ANK3: variants seen among roughly 807,000 people sequenced by gnomAD.
The protein encoded by ANK3 is ankyrin 3.
A neutral mutation model predicts 370.9 loss-of-function variants in ANK3; 57 were observed. The observed-to-expected ratio is 0.15, with a 90% CI of 0.12 to 0.19. The LOEUF is 0.19. Ranked by LOEUF, ANK3 falls within the 10% of genes least tolerant of loss-of-function variation. The pLI is 1.00. For missense variants in ANK3, 4,439 were observed against 5,302.1 expected, an observed-to-expected ratio of 0.84 and a Z score of 5.06; for synonymous variants, 1,929 against 1,946.3, an observed-to-expected ratio of 0.99 and a Z score of 0.23.
chr10:60,370,399 A>C (rs2059950040), intron 1 of ANK3, among the ~76,000 whole-genome samples: 1 of 152,194 alleles, frequency 6.6e-6, no homozygotes, highest in African/African-American at 2.4e-5. Flanking sequence ...ATTTTCTTCT[A>C]ATTTTCCATT....
At position 60,071,863 on chromosome 10, in the gene ANK3, T is replaced by C. The variant is rs752465060; in HGVS notation, c.9018A>G (p.Thr3006=). The C allele has an allele frequency of 3.1e-6, 5 of 1,614,084 alleles. No homozygotes were observed. The East Asian group carries it at 1.1e-4, about 36-fold the overall frequency. The change falls in exon 37 of 44, where the codon ACA becomes ACG. Residue 3006 remains threonine (T), a synonymous_variant. Transcript: ENST00000280772. ...QSSMSKETVE[T]QHFNSIEDEK... ...CATCTTCTATAGAATTAAAGTGCTG[T>C]GTCTCAACTGTCTCTTTACTCATGC...
At chr10:60,481,234 C>T (rs181666760) in intron 2 of ANK3, among the ~76,000 whole-genome samples, 49 of 152,282 alleles carry the variant, frequency 3.2e-4, no homozygotes, top group South Asian at 2.7e-3. Flanking sequence ...GATCTTTCTA[C>T]GTGCCTGTGT....
intron 43 of ANK3, among the ~76,000 whole-genome samples, chr10:60,037,614 C>A (rs1441969654): frequency 7.1e-6 from 1 of 141,450 alleles, no homozygotes; most frequent in African/African-American, 2.6e-5. Flanking sequence ...CTGCAAAGGA[C>A]ATGCTCTCAC....
intron 2 of ANK3, among the ~76,000 whole-genome samples, chr10:60,435,000 C>G (rs2064121727): frequency 6.6e-6 from 1 of 152,166 alleles, no homozygotes; most frequent in Non-Finnish European, 1.5e-5. Context: ...GGGCAACGAA[C>G]TATAAGCATA....
chr10:60,599,943 C>T (rs1211110764), intron 2 of ANK3, among the ~76,000 whole-genome samples: 1 of 152,094 alleles, frequency 6.6e-6, no homozygotes, highest in Non-Finnish European at 1.5e-5. Flanking sequence ...TGTTTTCGCA[C>T]AGCAACCATT....
chr10:60,557,051 G>A (rs926304556), intron 2 of ANK3, among the ~76,000 whole-genome samples: 43 of 152,282 alleles, frequency 2.8e-4, no homozygotes, highest in Admixed American at 1.6e-3. Flanking sequence ...CACTGCTGTC[G>A]TCTGTGGAAA....
intron 1 of ANK3, among the ~76,000 whole-genome samples, chr10:60,698,137 A>G (rs2079489537): frequency 6.6e-6 from 1 of 152,010 alleles, no homozygotes; most frequent in Admixed American, 6.6e-5. Flanking sequence ...TGCAGCCAAA[A>G]AAAACATGAA....
chr10:60,085,278 T>A (rs1240643824), intron 30 of ANK3, 25 bp from the exon 31 acceptor site: 1 of 1,566,744 alleles, frequency 6.4e-7, no homozygotes, highest in Non-Finnish European at 8.7e-7. Flanking sequence ...GCAGATATGT[T>A]GACTTTATCA....
chr10:60,238,748 A>G (rs2097372270), intron 7 of ANK3, among the ~76,000 whole-genome samples: 1 of 152,106 alleles, frequency 6.6e-6, no homozygotes, highest in Admixed American at 6.6e-5. Context: ...CCTGAAACAA[A>G]ATGTAAACTC....
At chr10:60,039,950 G>C (rs1408414219) in intron 43 of ANK3, among the ~76,000 whole-genome samples, 1 of 152,142 alleles carries the variant, frequency 6.6e-6, no homozygotes, top group Non-Finnish European at 1.5e-5. Context: ...CTGTGTGAAG[G>C]CAGAAACATC....
rs147256833 is a variant in ANK3, at chr10:60,685,089, C to A, written c.57+48174G>T. The A allele has an allele frequency of 6.0e-4, 691 of 1,145,022 alleles. 2 individuals are homozygous for A. In the African/African-American group the frequency reaches 9.6e-3, roughly 16 times the overall value. The allele number at this position is 1,145,022 out of a possible 1,614,324, so 70.9% of individuals were successfully genotyped here. On this transcript the variant is annotated intron_variant, in intron 1 of 43. Transcript: ENST00000373827. ...TTAAAGAAAAGATGAATATCAATAC[C>A]TATTATATCTGTGTGGAGGAGGTTT...
At chr10:60,289,120 T>C (rs537110100) in intron 1 of ANK3, among the ~76,000 whole-genome samples, 9 of 152,112 alleles carry the variant, frequency 5.9e-5, no homozygotes, top group Non-Finnish European at 5.9e-5. Flanking sequence ...AGCTGTGGAA[T>C]GGACAAGAAA....
At chr10:60,395,588 CTTTCTT>C (rs2063210719) in intron 2 of ANK3, among the ~76,000 whole-genome samples, 1 of 126,210 alleles carries the variant, frequency 7.9e-6, no homozygotes, top group Non-Finnish European at 1.6e-5. Context: ...TTCTTTCTTT[CTTTCTT>C]TCTTTCTTTC....
At chr10:60,579,137 C>A (rs1595311007) in intron 2 of ANK3, among the ~76,000 whole-genome samples, 1 of 151,622 alleles carries the variant, frequency 6.6e-6, no homozygotes, top group South Asian at 2.1e-4. Flanking sequence ...CCATCTTGGC[C>A]AACATGGTGA....
chr10:60,638,456 C>T (rs1472351426), intron 1 of ANK3, among the ~76,000 whole-genome samples: 2 of 151,542 alleles, frequency 1.3e-5, no homozygotes, highest in Non-Finnish European at 2.9e-5. Context: ...TTTAAAGGAA[C>T]AAAACAAAAT....
intron 2 of ANK3, among the ~76,000 whole-genome samples, chr10:60,585,814 A>G (rs1220008336): frequency 6.6e-6 from 1 of 152,182 alleles, no homozygotes; most frequent in Non-Finnish European, 1.5e-5. Context: ...ACCTGAGGTC[A>G]GGAGTTCAAT....
chr10:60,157,257 G>A (rs1341532267), intron 23 of ANK3, among the ~76,000 whole-genome samples: 1 of 151,252 alleles, frequency 6.6e-6, no homozygotes, highest in Admixed American at 6.6e-5. Flanking sequence ...GGCTGGTCTC[G>A]AACTCCTGAC....
chr10:60,140,734 T>C (rs969387406), intron 23 of ANK3: 6 of 1,141,528 alleles, frequency 5.3e-6, no homozygotes, highest in Non-Finnish European at 6.5e-6. Flanking sequence ...AATGGTGACA[T>C]AAATGCAAGC....
intron 2 of ANK3, among the ~76,000 whole-genome samples, chr10:60,581,392 A>G (rs1364058130): frequency 6.7e-6 from 1 of 149,680 alleles, no homozygotes; most frequent in African/African-American, 2.5e-5. Flanking sequence ...TCTGCTTTTG[A>G]AAACTGCCTA....
Sources: gnomAD v4.1 joint callset for allele counts (sites outside exome capture counted in the v4.1 genomes callset) on GRCh38, gnomAD v4.1.1 for gene constraint, MANE v1.5 for transcripts, NCBI Gene and HGNC (gene_info 2026-07-23, HGNC 2026-07-21) for gene names.